The following PAWR variants were observed in gnomAD, a reference collection of about 807,000 sequenced individuals.
PAWR encodes the protein PRKC apoptosis WT1 regulator protein.
PAWR carries 23 observed loss-of-function variants against 32.0 expected under a neutral mutation model. The ratio of observed to expected loss-of-function variants is 0.72; its 90% CI spans 0.52 to 1.02. PAWR has a LOEUF of 1.02. PAWR is among the 50% of genes least tolerant of loss of function. PAWR has a pLI of 0.00. For missense variants in PAWR, 457 were observed against 437.7 expected, an observed-to-expected ratio of 1.04 and a Z score of -0.39; for synonymous variants, 226 against 187.1, an observed-to-expected ratio of 1.21 and a Z score of -1.70.
In PAWR at chr12:79,684,614, C is replaced by T. The variant is rs151204502; in HGVS notation, c.516+5115G>A. On this transcript the variant is annotated intron_variant, in intron 2 of 6. Transcript: ENST00000328827. Reference sequence around the variant, plus strand: ...GCCTGGGCAACAGAGCAAGACTCCACCTCAAAAAAAAAAGAAAGAAAGAAA... The same window carrying T: ...GCCTGGGCAACAGAGCAAGACTCCATCTCAAAAAAAAAAGAAAGAAAGAAA... 4.1e-3 allele frequency among the ~76,000 whole-genome samples: 623 copies of T among 150,534 alleles called. 12 individuals carry two copies. The highest frequency in any genetic ancestry group is 0.014 in the African/African-American group (591 of 40,984).
chr12:79,684,636 G>GA (rs1029859929), intron 2 of PAWR, among the ~76,000 whole-genome samples: 1 of 151,384 alleles, frequency 6.6e-6, no homozygotes, highest in Admixed American at 6.6e-5. Context: ...AAGAAAGAAA[G>GA]AAAAAAACAA....
chr12:79,601,687 A>G (rs1164718615), intron 4 of PAWR, among the ~76,000 whole-genome samples: 1 of 152,184 alleles, frequency 6.6e-6, no homozygotes, highest in Non-Finnish European at 1.5e-5. Context: ...AATTTGTTTT[A>G]TTTATGGTAC....
At chr12:79,684,717 T>C (rs1878601693) in intron 2 of PAWR, among the ~76,000 whole-genome samples, 1 of 152,208 alleles carries the variant, frequency 6.6e-6, no homozygotes, top group African/African-American at 2.4e-5. Context: ...AGTGTTTATA[T>C]ATTCATTTGT....
chr12:79,642,725 G>A (rs1433975024), intron 2 of PAWR, among the ~76,000 whole-genome samples: 1 of 152,036 alleles, frequency 6.6e-6, no homozygotes, highest in Non-Finnish European at 1.5e-5. Context: ...AGTTCATATT[G>A]GGGGCTAGGG....
intron 2 of PAWR, among the ~76,000 whole-genome samples, chr12:79,670,732 A>T (rs567057992): frequency 1.8e-3 from 269 of 150,700 alleles, no homozygotes; most frequent in African/African-American, 5.9e-3. Context: ...AGTTCACAAT[A>T]AAAAAAAGGC....
In PAWR at chr12:79,590,102, C is replaced by T. The variant is rs1338877009; in HGVS notation, c.*2505G>A. On this transcript the variant is annotated 3_prime_UTR_variant, in exon 7 of 7. Transcript: ENST00000328827. ...ATGCTTTGCCTAAGTTGTAAGGCTC[C>T]TGTCTTTACGCTATCATTAAAGGCC... The T allele has an allele frequency of 6.6e-6, 1 of 151,962 alleles. No homozygotes were observed. Among genetic ancestry groups the T allele is most frequent in the Admixed American group, 6.6e-5 (1 of 15,250 alleles). 9.4% of individuals were successfully genotyped at this position (151,962 alleles called of 1,614,324 possible).
intron 2 of PAWR, among the ~76,000 whole-genome samples, chr12:79,633,045 A>G (rs1875787109): frequency 6.6e-6 from 1 of 152,080 alleles, no homozygotes; most frequent in Non-Finnish European, 1.5e-5. Context: ...GAGGTAGGAG[A>G]ATCCGAGAGG....
Position 79,589,285 on chromosome 12 carries a change from T to C in PAWR, c.*3322A>G, listed in dbSNP as rs886562069. 4.0e-4 allele frequency: 61 copies of C among 152,180 alleles called. 1 individual carries two copies. The highest frequency in any genetic ancestry group is 3.4e-3 in the Middle Eastern group (1 of 294). 9.4% of individuals were successfully genotyped at this position (152,180 alleles called of 1,614,324 possible). A position where few individuals can be genotyped will look rare whatever the true frequency, so the allele number is the denominator to read the frequency against. Reference sequence around the variant, plus strand: ...CTGTTTTGTCTTACAGTGTTGAATATATGAATGCTTCTCTATTACACTGAC... The same window carrying C: ...CTGTTTTGTCTTACAGTGTTGAATACATGAATGCTTCTCTATTACACTGAC... On this transcript the variant is annotated 3_prime_UTR_variant, in exon 7 of 7. Transcript: ENST00000328827.
intron 2 of PAWR, among the ~76,000 whole-genome samples, chr12:79,684,180 C>A (rs530645223): frequency 2.4e-4 from 37 of 151,928 alleles, no homozygotes; most frequent in African/African-American, 8.9e-4. Context: ...GGAAAAAAAG[C>A]ACAGAGAAAA....
intron 2 of PAWR, among the ~76,000 whole-genome samples, chr12:79,688,632 C>T (rs1191683448): frequency 1.3e-5 from 2 of 152,020 alleles, no homozygotes; most frequent in Non-Finnish European, 2.9e-5. Context: ...ATACGTCCTA[C>T]AAAGACACAC....
chr12:79,683,392 A>G (rs886553878), intron 2 of PAWR, among the ~76,000 whole-genome samples: 2 of 152,144 alleles, frequency 1.3e-5, no homozygotes, highest in African/African-American at 4.8e-5. Context: ...AGGGTATTTA[A>G]GTTAGTTCTT....
In PAWR at chr12:79,676,660, G is replaced by A. The variant is rs529829818; in HGVS notation, c.516+13069C>T. 8.5e-5 allele frequency among the ~76,000 whole-genome samples: 13 copies of A among 152,152 alleles called. 1 individual carries two copies. In the South Asian group the frequency reaches 1.2e-3, roughly 15 times the overall value. ...ATCCTGCTCAAGTTCTCCTGTAGCC[G>A]GATACATCAAACCAAAAACCTTCGG... is the stretch of plus-strand genomic sequence containing the variant. On this transcript the variant is annotated intron_variant, in intron 2 of 6. Coordinates refer to ENST00000328827, the MANE Select transcript of PAWR (RefSeq NM_002583.4).
At position 79,591,510 on chromosome 12, in the gene PAWR, T is replaced by C. The variant is rs1370907875; in HGVS notation, c.*1097A>G. The stretch of plus-strand genomic sequence containing the variant: ...TGAATATGTAATACAAAAACAATTC[T>C]AAATAATAATATTTAATAGAAGAAA... On this transcript the variant is annotated 3_prime_UTR_variant, in exon 7 of 7. Coordinates refer to ENST00000328827, the MANE Select transcript of PAWR (RefSeq NM_002583.4). 6.6e-6 allele frequency: 1 copy of C among 152,152 alleles called. No individual in the cohort carries two copies. The highest frequency in any genetic ancestry group is 1.5e-5 in the Non-Finnish European group (1 of 68,018). The allele number at this position is 152,152 out of a possible 1,614,324, so 9.4% of individuals were successfully genotyped here.
chr12:79,603,243 C>G (rs1874030839), intron 4 of PAWR, among the ~76,000 whole-genome samples: 1 of 151,486 alleles, frequency 6.6e-6, no homozygotes, highest in South Asian at 2.1e-4. Flanking sequence ...ATGGTGAAAC[C>G]CTGTAAAAAG....
chr12:79,645,008 A>C (rs1442670481), intron 2 of PAWR, among the ~76,000 whole-genome samples: 2 of 144,704 alleles, frequency 1.4e-5, no homozygotes, highest in Non-Finnish European at 3.0e-5. Context: ...TAATGTAAAA[A>C]AGAAGAATCA....
At position 79,613,523 on chromosome 12, in the gene PAWR, G is replaced by A. The variant is rs185554078; in HGVS notation, c.683+52C>T. On this transcript the variant is annotated intron_variant, in intron 4 of 6. Coordinates refer to ENST00000328827, the MANE Select transcript of PAWR (RefSeq NM_002583.4). ...AATAGTTCTAGTTAAGTCAATGTCA[G>A]ACAGACATTACATTCATGTCTACAA... 2.7e-5 allele frequency: 26 copies of A among 956,144 alleles called. No homozygotes were observed. In the East Asian group the frequency reaches 3.4e-4, roughly 13 times the overall value. The allele number at this position is 956,144 out of a possible 1,614,324, so 59.2% of individuals were successfully genotyped here.
intron 2 of PAWR, among the ~76,000 whole-genome samples, chr12:79,682,932 A>G (rs1202798570): frequency 2.6e-5 from 4 of 152,254 alleles, no homozygotes; most frequent in African/African-American, 2.4e-5. Flanking sequence ...ATGCTTTAAA[A>G]GTTTGAGTTG....
At chr12:79,649,892 G>A (rs990050769) in intron 2 of PAWR, among the ~76,000 whole-genome samples, 1 of 152,190 alleles carries the variant, frequency 6.6e-6, no homozygotes, top group Non-Finnish European at 1.5e-5. Context: ...GGCTGTAGCA[G>A]GGGGTAGGTT....
At chr12:79,617,276 G>C (rs1047833517) in intron 3 of PAWR, among the ~76,000 whole-genome samples, 1 of 152,134 alleles carries the variant, frequency 6.6e-6, no homozygotes, top group African/African-American at 2.4e-5. Flanking sequence ...TGCTTTAACA[G>C]AGAAGGTGGA....
Sources: gnomAD v4.1 joint callset for allele counts (sites outside exome capture counted in the v4.1 genomes callset) on GRCh38, gnomAD v4.1.1 for gene constraint, MANE v1.5 for transcripts, NCBI Gene and HGNC (gene_info 2026-07-23, HGNC 2026-07-21) for gene names.